ZNF682: variants seen among roughly 807,000 people sequenced by gnomAD.
The protein encoded by ZNF682 is zinc finger protein 682.
Under a neutral mutation model 36.5 loss-of-function variants are expected in ZNF682, and 29 were observed. That is an observed-to-expected ratio of 0.80 (90% CI 0.59 to 1.08). The LOEUF (loss-of-function observed/expected upper bound fraction) is 1.08, where lower values mean the gene tolerates loss of function less well. Among genes scored for constraint, ZNF682 ranks in the 50% least tolerant of loss-of-function variants. ZNF682 has a pLI of 0.00. For missense variants in ZNF682, 561 were observed against 579.7 expected, an observed-to-expected ratio of 0.97 and a Z score of 0.33; for synonymous variants, 180 against 197.0, an observed-to-expected ratio of 0.91 and a Z score of 0.72.
chr19:20,002,461 T>C (rs1241624289), downstream of ZNF682, among the ~76,000 whole-genome samples: 1 of 152,202 alleles, frequency 6.6e-6, no homozygotes, highest in African/African-American at 2.4e-5. Context: ...AGGCTGTGGT[T>C]AGGCTCCATT....
intron 3 of ZNF682, among the ~76,000 whole-genome samples, chr19:20,013,606 G>A (rs958098597): frequency 5.3e-4 from 80 of 152,060 alleles, no homozygotes; most frequent in African/African-American, 1.8e-3. Context: ...TTGAGACTGA[G>A]TTTCGCTCTT....
chr19:20,022,886 C>T (rs1020223742), intron 3 of ZNF682, 118 bp downstream of exon 3: 4 of 819,848 alleles, frequency 4.9e-6, no homozygotes, highest in Non-Finnish European at 8.1e-6. Context: ...TAAACAATCA[C>T]GTTCCTCAAA....
At chr19:20,008,783 C>T (rs2088253872) in intron 3 of ZNF682, among the ~76,000 whole-genome samples, 1 of 152,114 alleles carries the variant, frequency 6.6e-6, no homozygotes, top group African/African-American at 2.4e-5. Flanking sequence ...TAATCTCTCA[C>T]ACACTATCTT....
downstream of ZNF682, among the ~76,000 whole-genome samples, chr19:20,001,836 T>C (rs1296847907): frequency 6.6e-6 from 1 of 152,226 alleles, no homozygotes; most frequent in Non-Finnish European, 1.5e-5. Flanking sequence ...CCCATGCCAA[T>C]GAACTCACAA....
At position 20,023,030 on chromosome 19, in the gene ZNF682, C is replaced by A. The variant is rs1448535639; in HGVS notation, c.200G>T (p.Arg67Ile). The change falls in exon 3 of 4, where the codon AGA becomes ATA. Residue 67 changes from arginine to isoleucine, a missense_variant. By Grantham distance (97) the Arg-to-Ile change is moderately conservative. Coordinates refer to ENST00000397165, the MANE Select transcript of ZNF682 (RefSeq NM_033196.3). ...TGGGGGTTTGGCTATGGTCTCATGT[C>A]TCTTCACATTCCAGGGCTCCTGTCT... Reference protein sequence around the residue: ...EQRQEPWNVKRHETIAKPPAM... With the variant: ...EQRQEPWNVKIHETIAKPPAM... 1.9e-6 allele frequency: 3 copies of A among 1,613,894 alleles called. No individual in the cohort carries two copies. The highest frequency in any genetic ancestry group is 2.5e-6 in the Non-Finnish European group (3 of 1,179,936).
At chr19:19,997,351 A>G (rs1599597274) in intron 3 of ZNF682, 1 of 398,142 alleles carries the variant, frequency 2.5e-6, no homozygotes. Flanking sequence ...AAATAAGAGT[A>G]CTTGAAGTGG....
intron 1 of ZNF682, among the ~76,000 whole-genome samples, chr19:20,034,825 G>T (rs184331679): frequency 2.6e-5 from 4 of 151,978 alleles, no homozygotes; most frequent in Non-Finnish European, 5.9e-5. Flanking sequence ...GGTCAGGCCC[G>T]GTGGCTCATG....
At chr19:20,011,099 A>T (rs1344494367) in intron 3 of ZNF682, among the ~76,000 whole-genome samples, 1 of 152,214 alleles carries the variant, frequency 6.6e-6, no homozygotes, top group Non-Finnish European at 1.5e-5. Flanking sequence ...AACTCAAAGT[A>T]AAGGGAAAAA....
intron 3 of ZNF682, chr19:20,015,036 G>A (rs764700878): frequency 8.4e-5 from 20 of 238,824 alleles, no homozygotes; most frequent in Non-Finnish European, 1.2e-4. Context: ...TACACTGCAC[G>A]ACAATGTCAA....
downstream of ZNF682, among the ~76,000 whole-genome samples, chr19:20,004,048 TAAAG>T (rs2088189050): frequency 6.6e-6 from 1 of 152,178 alleles, no homozygotes; most frequent in Admixed American, 6.5e-5. Context: ...AGTGAAAACT[TAAAG>T]AGTCTATGTG....
At position 20,033,849 on chromosome 19, in the gene ZNF682, C is replaced by T. The variant is rs566604597; in HGVS notation, c.3+5494G>A. ...GATTACAGGCATGAGCCACCACGCC[C>T]GGCCTCCAGCCTCAGTTTCTACTGA... On this transcript the variant is annotated intron_variant, in intron 1 of 3. Coordinates refer to ENST00000397165, the MANE Select transcript of ZNF682 (RefSeq NM_033196.3). 18 of 152,980 alleles carry T rather than the reference C, an allele frequency of 1.2e-4. 1 individual carries two copies. The East Asian group carries it at 2.5e-3, about 21-fold the overall frequency. 9.5% of individuals were successfully genotyped at this position (152,980 alleles called of 1,614,324 possible). A position where few individuals can be genotyped will look rare whatever the true frequency, so the allele number is the denominator to read the frequency against.
chr19:19,996,848 T>G (rs2088131283), downstream of ZNF682, among the ~76,000 whole-genome samples: 1 of 152,032 alleles, frequency 6.6e-6, no homozygotes, highest in Non-Finnish European at 1.5e-5. Flanking sequence ...ACCATCCCAA[T>G]TTCTCATTTT....
rs373888671 is a variant in ZNF682, at chr19:20,006,185, G to A, written c.1317C>T (p.His439=). ...ECGKAFNRCS[H]LTRHKKIHTA... ...TATGAATTTTCTTATGTCTAGTAAGGTGTGAGCACCGATTAAAGGCTTTTC... is the reference window on the plus strand; with the variant it reads ...TATGAATTTTCTTATGTCTAGTAAGATGTGAGCACCGATTAAAGGCTTTTC... Residue 439 remains histidine (H), a synonymous_variant, in exon 4 of 4, where the codon CAC becomes CAT. Coordinates refer to ENST00000397165, the MANE Select transcript of ZNF682 (RefSeq NM_033196.3). 2 of 1,612,686 alleles carry A rather than the reference G, an allele frequency of 1.2e-6. No homozygotes were observed. Among genetic ancestry groups the A allele is most frequent in the African/African-American group, 1.3e-5 (1 of 74,856 alleles).
chr19:20,013,281 A>G lies in ZNF682; in HGVS notation c.227-6006T>C, dbSNP rs562536232. Among the ~76,000 whole-genome samples, 4 of 152,098 alleles carry G rather than the reference A, an allele frequency of 2.6e-5. No homozygotes were observed. The East Asian group carries it at 7.7e-4, about 29-fold the overall frequency. On this transcript the variant is annotated intron_variant, in intron 3 of 3. Transcript: ENST00000397165. ...TAATAATAAAAAGATTAATTTATAT[A>G]TGTTATAGAAAACTATAACATATAT...
chr19:20,020,634 T>C (rs2088375302), intron 3 of ZNF682, among the ~76,000 whole-genome samples: 1 of 152,190 alleles, frequency 6.6e-6, no homozygotes, highest in Non-Finnish European at 1.5e-5. Context: ...CATTTCACAA[T>C]TGCCAAGACA....
intron 3 of ZNF682, among the ~76,000 whole-genome samples, chr19:20,021,846 GA>G (rs1364201537): frequency 1.3e-5 from 2 of 152,122 alleles, no homozygotes; most frequent in Non-Finnish European, 2.9e-5. Flanking sequence ...CAAAATTACT[GA>G]GTAGGAATTT....
At position 20,006,973 on chromosome 19, in the gene ZNF682, G is replaced by A; in HGVS notation, c.529C>T (p.Gln177Ter). 1 of 1,612,766 alleles carries A rather than the reference G, an allele frequency of 6.2e-7. No individual in the cohort carries two copies. The highest frequency in any genetic ancestry group is 8.5e-7 in the Non-Finnish European group (1 of 1,179,118). ...HTTEKLFKCM[Q>*]CGKVFKSHSG... ...TGAGATTTAAAGACTTTGCCACATT[G>A]CATACATTTGAAAAGTTTCTCTGTA... Residue 177 changes from glutamine (Q) to a stop codon, truncating the protein, a stop_gained, in exon 4 of 4, where the codon CAA becomes TAA. Transcript: ENST00000397165. LOFTEE classifies it high-confidence loss of function.
chr19:20,003,273 AT>A (rs1244149618), downstream of ZNF682, among the ~76,000 whole-genome samples: 8 of 151,972 alleles, frequency 5.3e-5, no homozygotes, highest in South Asian at 4.1e-4. Flanking sequence ...TTGAAAAAAA[AT>A]GTACTAAATA....
intron 1 of ZNF682, among the ~76,000 whole-genome samples, chr19:20,024,732 G>C (rs1333494966): frequency 1.3e-5 from 2 of 152,150 alleles, no homozygotes; most frequent in African/African-American, 2.4e-5. Context: ...CAGTTACTTG[G>C]GAGGCTGAGG....
Sources: gnomAD v4.1 joint callset for allele counts (sites outside exome capture counted in the v4.1 genomes callset) on GRCh38, gnomAD v4.1.1 for gene constraint, MANE v1.5 for transcripts, NCBI Gene and HGNC (gene_info 2026-07-23, HGNC 2026-07-21) for gene names.